Variants in NAV3 observed in about 807,000 individuals in gnomAD.
NAV3 encodes pore membrane and/or filament interacting like protein 1.
NAV3 carries 87 observed loss-of-function variants against 244.7 expected under a neutral mutation model. The ratio of observed to expected loss-of-function variants is 0.36; its 90% confidence interval spans 0.30 to 0.42. The LOEUF (loss-of-function observed/expected upper bound fraction) is 0.42, where lower values mean the gene tolerates loss of function less well. NAV3 is among the 20% of genes least tolerant of loss of function. The pLI, the probability that NAV3 is intolerant of heterozygous loss-of-function variation, is 1.00. For synonymous variants in NAV3, 1,126 were observed against 1,042.2 expected, an observed-to-expected ratio of 1.08 and a Z score of -1.55; for missense variants, 2,663 against 2,893.3, an observed-to-expected ratio of 0.92 and a Z score of 1.83.
intron 1 of NAV3, among the ~76,000 whole-genome samples, chr12:77,924,251 A>G (rs1400632763): frequency 6.6e-6 from 1 of 152,168 alleles, no homozygotes; most frequent in Non-Finnish European, 1.5e-5. Context: ...CCCATGGGCA[A>G]AACGAAGAAT....
At chr12:78,016,643 T>G (rs538857505) in intron 8 of NAV3, among the ~76,000 whole-genome samples, 1 of 152,168 alleles carries the variant, frequency 6.6e-6, no homozygotes, top group South Asian at 2.1e-4. Context: ...TCCTTTTTGT[T>G]GGGGTTATAA....
chr12:77,954,299 A>G (rs1336386288), intron 3 of NAV3, among the ~76,000 whole-genome samples: 1 of 152,150 alleles, frequency 6.6e-6, no homozygotes, highest in Non-Finnish European at 1.5e-5. Context: ...ACCTGGCACT[A>G]TTTCCTAGCC....
At chr12:78,175,274 G>T (rs1358506797) in intron 24 of NAV3, 32 bp from the exon 25 acceptor site, 1 of 1,606,610 alleles carries the variant, frequency 6.2e-7, no homozygotes, top group East Asian at 2.2e-5. Context: ...GACTCTTCAT[G>T]AGCCGATGTG....
At chr12:77,874,314 G>T (rs1881523749) in intron 1 of NAV3, among the ~76,000 whole-genome samples, 1 of 152,030 alleles carries the variant, frequency 6.6e-6, no homozygotes. Context: ...AACCTTGCAG[G>T]CTCAAGCAAT....
intron 2 of NAV3, among the ~76,000 whole-genome samples, chr12:77,616,149 T>A (rs957869263): frequency 6.6e-6 from 1 of 152,182 alleles, no homozygotes; most frequent in African/African-American, 2.4e-5. Flanking sequence ...GGCTCACTCC[T>A]GTAATCCCAG....
At chr12:77,895,153 C>A (rs1345116833) in intron 1 of NAV3, among the ~76,000 whole-genome samples, 1 of 151,964 alleles carries the variant, frequency 6.6e-6, no homozygotes, top group South Asian at 2.1e-4. Flanking sequence ...CTCACAGATT[C>A]ACCTAACATA....
At chr12:77,992,256 A>G (rs992229299) in intron 5 of NAV3, among the ~76,000 whole-genome samples, 16 of 152,190 alleles carry the variant, frequency 1.1e-4, no homozygotes, top group African/African-American at 3.9e-4. Flanking sequence ...ACAACATTTG[A>G]ATTTCTCTAG....
chr12:78,016,715 A>G (rs1426014277), intron 8 of NAV3, among the ~76,000 whole-genome samples: 1 of 152,204 alleles, frequency 6.6e-6, no homozygotes, highest in Admixed American at 6.6e-5. Flanking sequence ...TTGTGTCTAC[A>G]TTTGTGACCA....
rs758915651 is a variant in NAV3 at position 78,051,127 on chromosome 12, G to T, written c.2496G>T (p.Arg832Ser). 1 of 1,608,722 alleles carries T rather than the reference G, an allele frequency of 6.2e-7. No homozygotes were observed. Among genetic ancestry groups the T allele is most frequent in the South Asian group, 1.1e-5 (1 of 90,962 alleles). Residue 832 changes from arginine to serine, a missense_variant, in exon 11 of 40, where the codon AGG (arginine) becomes AGT (serine). Physicochemically the swap from Arg to Ser is moderately radical, Grantham distance 110. Transcript: ENST00000397909. ...GTGATATCCTTGGGAAAAGTCTCAG[G>T]ACTGATGACATCAACAGTGGGTAAG... ...SDGDILGKSL[R>S]TDDINSGYMT...
intron 2 of NAV3, among the ~76,000 whole-genome samples, chr12:77,802,441 T>G (rs529006772): frequency 6.6e-6 from 1 of 152,320 alleles, no homozygotes; most frequent in South Asian, 2.1e-4. Flanking sequence ...TTTACATTTG[T>G]AGCTTAATCA....
intron 2 of NAV3, among the ~76,000 whole-genome samples, chr12:77,777,134 A>G (rs1467347267): frequency 6.6e-6 from 1 of 152,248 alleles, no homozygotes; most frequent in Non-Finnish European, 1.5e-5. Flanking sequence ...ATAAAACTGC[A>G]GATAGCACCA....
At chr12:78,098,549 A>G (rs1009981357) in intron 12 of NAV3, among the ~76,000 whole-genome samples, 21 of 151,940 alleles carry the variant, frequency 1.4e-4, no homozygotes, top group Admixed American at 1.3e-4. Flanking sequence ...TAAAAGAAGG[A>G]AGAGGAGGAG....
chr12:77,716,358 A>T (rs1377944857), intron 2 of NAV3, among the ~76,000 whole-genome samples: 1 of 151,830 alleles, frequency 6.6e-6, no homozygotes. Context: ...TGAATAAGGA[A>T]TGTACCATGT....
chr12:78,043,339 C>T (rs1360933245), intron 9 of NAV3, among the ~76,000 whole-genome samples: 1 of 152,112 alleles, frequency 6.6e-6, no homozygotes, highest in African/African-American at 2.4e-5. Flanking sequence ...CATTGATGGG[C>T]ATTTGGGTTG....
chr12:78,172,659 T>C (rs975439373), intron 24 of NAV3, among the ~76,000 whole-genome samples: 1 of 151,574 alleles, frequency 6.6e-6, no homozygotes, highest in Non-Finnish European at 1.5e-5. Context: ...TCAATCACTT[T>C]ATAAGTACTG....
intron 2 of NAV3, among the ~76,000 whole-genome samples, chr12:77,674,817 G>A (rs1874138020): frequency 6.6e-6 from 1 of 152,160 alleles, no homozygotes; most frequent in African/African-American, 2.4e-5. Flanking sequence ...ATATATTGGT[G>A]ACCAAATCAG....
intron 22 of NAV3, among the ~76,000 whole-genome samples, chr12:78,153,439 G>A (rs957338349): frequency 3.3e-5 from 5 of 152,010 alleles, no homozygotes; most frequent in African/African-American, 7.2e-5. Context: ...ATTGCCTGGC[G>A]TTTCTGATCA....
At chr12:77,698,900 T>G (rs2137193617) in intron 2 of NAV3, among the ~76,000 whole-genome samples, 1 of 152,254 alleles carries the variant, frequency 6.6e-6, no homozygotes, top group East Asian at 1.9e-4. Context: ...GGTTTTTTAT[T>G]GTTTACTGTT....
At chr12:77,685,223 A>G (rs1477284503) in intron 2 of NAV3, among the ~76,000 whole-genome samples, 1 of 152,194 alleles carries the variant, frequency 6.6e-6, no homozygotes, top group East Asian at 1.9e-4. Context: ...ATAAATATGC[A>G]TAAATCTTTT....
Sources: gnomAD v4.1 joint callset for allele counts (sites outside exome capture counted in the v4.1 genomes callset) on GRCh38, gnomAD v4.1.1 for gene constraint, MANE v1.5 for transcripts, NCBI Gene and HGNC (gene_info 2026-07-23, HGNC 2026-07-21) for gene names.